Variants in RAP1GDS1 observed in about 807,000 individuals in gnomAD.
The protein encoded by RAP1GDS1 is RAP1, GTP-GDP dissociation stimulator 1.
RAP1GDS1 carries 35 observed loss-of-function variants against 71.1 expected under a neutral mutation model. The observed-to-expected ratio is 0.49, with a 90% CI of 0.38 to 0.65. The LOEUF (loss-of-function observed/expected upper bound fraction) is 0.65, where lower values mean the gene tolerates loss of function less well. Ranked by LOEUF, RAP1GDS1 falls within the 30% of genes least tolerant of loss-of-function variation. RAP1GDS1 has a pLI of 0.00. For synonymous variants in RAP1GDS1, 229 were observed against 243.1 expected, an observed-to-expected ratio of 0.94 and a Z score of 0.54; for missense variants, 663 against 706.1, an observed-to-expected ratio of 0.94 and a Z score of 0.69.
intron 2 of RAP1GDS1, among the ~76,000 whole-genome samples, chr4:98,307,563 G>A: frequency 6.6e-6 from 1 of 152,002 alleles, no homozygotes; most frequent in East Asian, 1.9e-4. Flanking sequence ...GTAAGATTAG[G>A]TAGTTTGGTT....
intron 12 of RAP1GDS1, among the ~76,000 whole-genome samples, chr4:98,427,804 T>A (rs1365213842): frequency 2.0e-5 from 3 of 152,016 alleles, no homozygotes; most frequent in African/African-American, 7.2e-5. Context: ...ATCTACAAAT[T>A]CGATGTAGGT....
intron 12 of RAP1GDS1, among the ~76,000 whole-genome samples, chr4:98,431,891 A>G (rs1197804607): frequency 2.0e-5 from 3 of 152,174 alleles, no homozygotes; most frequent in Non-Finnish European, 4.4e-5. Flanking sequence ...TAGAATAGCT[A>G]TTCAATAAAC....
At chr4:98,273,785 T>G (rs1436887580) in intron 1 of RAP1GDS1, among the ~76,000 whole-genome samples, 1 of 150,650 alleles carries the variant, frequency 6.6e-6, no homozygotes, top group Non-Finnish European at 1.5e-5. Context: ...TTTGTTTTGT[T>G]TTTTTTCCCA....
At chr4:98,343,641 T>C (rs1313470004) in intron 3 of RAP1GDS1, among the ~76,000 whole-genome samples, 1 of 152,240 alleles carries the variant, frequency 6.6e-6, no homozygotes. Context: ...AACTCACTGT[T>C]CTTTTTTAGT....
chr4:98,337,214 C>A (rs1734831785), intron 2 of RAP1GDS1, among the ~76,000 whole-genome samples: 1 of 152,102 alleles, frequency 6.6e-6, no homozygotes, highest in Non-Finnish European at 1.5e-5. Flanking sequence ...TTTCAGCCTG[C>A]TTCATTCTTT....
intron 5 of RAP1GDS1, among the ~76,000 whole-genome samples, chr4:98,383,066 A>G (rs775594714): frequency 3.3e-5 from 5 of 151,736 alleles, no homozygotes; most frequent in African/African-American, 4.8e-5. Flanking sequence ...ACTAAAGACC[A>G]GAACACCACC....
chr4:98,316,351 C>G (rs1730941161), intron 2 of RAP1GDS1, among the ~76,000 whole-genome samples: 1 of 152,024 alleles, frequency 6.6e-6, no homozygotes, highest in Non-Finnish European at 1.5e-5. Context: ...GAAGACTGAT[C>G]AGAAAGTGAT....
At chr4:98,416,334 G>GTTTTTTTTTTTTTTTTT (rs70955932) in intron 7 of RAP1GDS1, among the ~76,000 whole-genome samples, 2 of 51,554 alleles carry the variant, frequency 3.9e-5, no homozygotes, top group African/African-American at 8.7e-5. Flanking sequence ...CATTTTCTTA[G>GTTTTTTTTTTTTTTTTT]TTTTTTTTTT....
At chr4:98,378,022 T>A (rs1382452003) in intron 4 of RAP1GDS1, among the ~76,000 whole-genome samples, 1 of 151,868 alleles carries the variant, frequency 6.6e-6, no homozygotes, top group East Asian at 1.9e-4. Flanking sequence ...GTGATATATA[T>A]TGAATTGAAT....
intron 3 of RAP1GDS1, among the ~76,000 whole-genome samples, chr4:98,349,888 A>G (rs1015900582): frequency 6.6e-6 from 1 of 152,120 alleles, no homozygotes; most frequent in Non-Finnish European, 1.5e-5. Context: ...TGTCTTTAAA[A>G]TTAGCTAGCG....
At chr4:98,338,468 C>T (rs1311245677) in intron 2 of RAP1GDS1, among the ~76,000 whole-genome samples, 1 of 152,088 alleles carries the variant, frequency 6.6e-6, no homozygotes, top group African/African-American at 2.4e-5. Flanking sequence ...CTCTTTGTTA[C>T]ACCCTATTTT....
intron 3 of RAP1GDS1, among the ~76,000 whole-genome samples, chr4:98,350,727 A>T (rs1484977209): frequency 2.0e-5 from 3 of 152,222 alleles, no homozygotes; most frequent in East Asian, 3.9e-4. Context: ...AGTCCCAGCT[A>T]CTCGGGAGGC....
chr4:98,296,975 CT>C, intron 2 of RAP1GDS1: 1 of 281,132 alleles, frequency 3.6e-6, no homozygotes, highest in Non-Finnish European at 7.0e-6. Context: ...CAGCTTTAAA[CT>C]CTCTCCCTGA....
At chr4:98,413,106 G>A (rs1036539584) in intron 7 of RAP1GDS1, among the ~76,000 whole-genome samples, 4 of 152,064 alleles carry the variant, frequency 2.6e-5, no homozygotes, top group African/African-American at 9.7e-5. Context: ...TGAGGGTACT[G>A]CAGGAGACCA....
chr4:98,411,354 G>A (rs1309970121), intron 7 of RAP1GDS1, among the ~76,000 whole-genome samples: 1 of 152,070 alleles, frequency 6.6e-6, no homozygotes, highest in Non-Finnish European at 1.5e-5. Context: ...GATGGCTTAC[G>A]CCTGTAATTC....
intron 3 of RAP1GDS1, among the ~76,000 whole-genome samples, chr4:98,343,756 T>G (rs979764851): frequency 6.6e-6 from 1 of 152,176 alleles, no homozygotes; most frequent in South Asian, 2.1e-4. Context: ...AAGAATACTC[T>G]GGAAAAACAA....
At chr4:98,266,277 A>G (rs1222940907) in intron 1 of RAP1GDS1, among the ~76,000 whole-genome samples, 2 of 152,034 alleles carry the variant, frequency 1.3e-5, no homozygotes, top group Non-Finnish European at 2.9e-5. Flanking sequence ...TTATTTTTAT[A>G]ATGTCTGTCA....
In RAP1GDS1 at chr4:98,442,413, C is replaced by T. The variant is rs1751994056; in HGVS notation, c.*296C>T. 1 of 281,144 alleles carries T rather than the reference C, an allele frequency of 3.6e-6. No individual in the cohort carries two copies. The highest frequency in any genetic ancestry group is 2.1e-5 in the African/African-American group (1 of 47,078). 17.4% of individuals were successfully genotyped at this position (281,144 alleles called of 1,614,324 possible). On this transcript the variant is annotated 3_prime_UTR_variant, in exon 15 of 15. Coordinates refer to ENST00000408927, the MANE Select transcript of RAP1GDS1 (RefSeq NM_001100427.2). ...GTCCTATGATGATGTAAACTTGGTACTACATAATGACTTGCTCCACACATG... is the reference window on the plus strand; with the variant it reads ...GTCCTATGATGATGTAAACTTGGTATTACATAATGACTTGCTCCACACATG...
At chr4:98,423,787 G>A (rs1275455323) in intron 12 of RAP1GDS1, among the ~76,000 whole-genome samples, 4 of 152,102 alleles carry the variant, frequency 2.6e-5, no homozygotes, top group African/African-American at 7.2e-5. Context: ...CAGGTGATCC[G>A]CCTACCTCGG....
Sources: gnomAD v4.1 joint callset for allele counts (sites outside exome capture counted in the v4.1 genomes callset) on GRCh38, gnomAD v4.1.1 for gene constraint, MANE v1.5 for transcripts, NCBI Gene and HGNC (gene_info 2026-07-23, HGNC 2026-07-21) for gene names.